UBASH3B: variants seen among roughly 807,000 people sequenced by gnomAD.
The protein encoded by UBASH3B is ubiquitin-associated and SH3 domain-containing protein B.
A neutral mutation model predicts 83.4 loss-of-function variants in UBASH3B; 37 were observed. The ratio of observed to expected loss-of-function variants is 0.44; its 90% CI spans 0.34 to 0.58. The LOEUF (loss-of-function observed/expected upper bound fraction) is 0.58. UBASH3B is among the 20% of genes least tolerant of loss of function. The pLI, the probability that UBASH3B is intolerant of heterozygous loss-of-function variation, is 0.01. For missense variants in UBASH3B, 657 were observed against 827.2 expected (o/e 0.79, Z 2.52); for synonymous variants, 304 against 318.3 (o/e 0.96, Z 0.48).
At chr11:122,778,064 A>G (rs1860773633) in intron 3 of UBASH3B, among the ~76,000 whole-genome samples, 1 of 152,062 alleles carries the variant, frequency 6.6e-6, no homozygotes, top group South Asian at 2.1e-4. Flanking sequence ...TCACTATCAC[A>G]CATGTAAATA....
chr11:122,794,387 A>G lies in UBASH3B; in HGVS notation c.981-315A>G, dbSNP rs1330109814. Among the ~76,000 whole-genome samples the G allele has an allele frequency of 2.0e-5, 3 of 152,032 alleles. No individual in the cohort carries two copies. In the East Asian group the frequency reaches 5.8e-4, roughly 29 times the overall value. ...CGCCCAGCTGATTTTTTGTATTTTT[A>G]GTAGAGATGGGATTTCGCCACATTG... is the stretch of plus-strand genomic sequence containing the variant. On this transcript the variant is annotated intron_variant, in intron 6 of 13. Coordinates refer to ENST00000284273, the MANE Select transcript of UBASH3B (RefSeq NM_032873.5).
intron 1 of UBASH3B, among the ~76,000 whole-genome samples, chr11:122,736,992 G>A (rs4936735): frequency 0.31 from 47,765 of 152,102 alleles, 8,995 homozygotes; most frequent in Middle Eastern, 0.49. Context: ...AGATATTACT[G>A]TAGGGAAGGG....
chr11:122,801,591 T>C (rs1346379288), intron 11 of UBASH3B, among the ~76,000 whole-genome samples: 1 of 152,220 alleles, frequency 6.6e-6, no homozygotes, highest in Non-Finnish European at 1.5e-5. Flanking sequence ...CCTGTTTCAG[T>C]GTAATAAAAC....
At position 122,777,187 on chromosome 11, in the gene UBASH3B, A is replaced by AT. The variant is rs1383030391; in HGVS notation, c.380dup (p.Thr128HisfsTer30). The AT allele has an allele frequency of 6.2e-7, 1 of 1,613,496 alleles. No homozygotes were observed. The highest frequency in any genetic ancestry group is 8.5e-7 in the Non-Finnish European group (1 of 1,179,782). ...CAAGGCACACAACATCTTCCCCCAC[A>AT]TCACACTCTGCCAGTTCTTTATGGT... On this transcript the variant is annotated frameshift_variant, in exon 3 of 14. Transcript: ENST00000284273. LOFTEE classifies it high-confidence loss of function.
intron 13 of UBASH3B, among the ~76,000 whole-genome samples, chr11:122,808,549 G>A (rs913914738): frequency 6.6e-6 from 1 of 152,178 alleles, no homozygotes; most frequent in Admixed American, 6.5e-5. Flanking sequence ...TCAAACACAG[G>A]TCCTTGAAGG....
chr11:122,783,686 T>TCAC (rs1860897457), intron 5 of UBASH3B, among the ~76,000 whole-genome samples: 1 of 126,664 alleles, frequency 7.9e-6, no homozygotes, highest in Non-Finnish European at 1.9e-5. Flanking sequence ...ATCTGTATCA[T>TCAC]GCAAAGTACC....
chr11:122,796,088 G>A (rs1861151001), intron 7 of UBASH3B, 68 bp from the exon 8 acceptor site: 1 of 1,589,408 alleles, frequency 6.3e-7, no homozygotes, highest in Non-Finnish European at 8.6e-7. Flanking sequence ...AGCTCACCTG[G>A]CACCTGGCTC....
chr11:122,664,176 C>A (rs1863483898), intron 1 of UBASH3B, among the ~76,000 whole-genome samples: 1 of 152,030 alleles, frequency 6.6e-6, no homozygotes, highest in Admixed American at 6.6e-5. Flanking sequence ...TCTAGAGTGC[C>A]CAGAGGGGTG....
intron 1 of UBASH3B, among the ~76,000 whole-genome samples, chr11:122,721,870 T>C (rs543908804): frequency 1.3e-5 from 2 of 152,352 alleles, no homozygotes; most frequent in East Asian, 3.9e-4. Context: ...TACTCTGTTC[T>C]TTGGGGATGC....
chr11:122,795,110 C>T (rs1225095812), intron 7 of UBASH3B, among the ~76,000 whole-genome samples: 1 of 151,950 alleles, frequency 6.6e-6, no homozygotes, highest in Non-Finnish European at 1.5e-5. Flanking sequence ...AGGAATAATG[C>T]CCATAGTTGT....
Position 122,806,426 on chromosome 11 carries a change from A to T in UBASH3B, c.1612A>T (p.Ser538Cys), listed in dbSNP as rs1214730473. The T allele has an allele frequency of 1.2e-6, 2 of 1,603,140 alleles. No individual in the cohort carries two copies. Among genetic ancestry groups the T allele is most frequent in the Non-Finnish European group, 1.7e-6 (2 of 1,176,912 alleles). The change falls in exon 12 of 14, where the codon AGC becomes TGC. Residue 538 changes from serine to cysteine, a missense_variant. Transcript: ENST00000284273. The surrounding 1 kb of genome is among the most constrained non-coding windows in gnomAD (Gnocchi z 4.0). ...DTTYRPHIPI[S>C]KLVVSESYDT... ...CTATTACAGACCTCACATTCCAATC[A>T]GCAAATTAGTTGTTTCAGAATCCTA...
chr11:122,683,896 G>A (rs146069388), intron 1 of UBASH3B, among the ~76,000 whole-genome samples: 666 of 152,096 alleles, frequency 4.4e-3, no homozygotes, highest in Middle Eastern at 0.014. Flanking sequence ...TGATGACGAG[G>A]TCTAATGTCT....
intron 1 of UBASH3B, among the ~76,000 whole-genome samples, chr11:122,716,914 A>G (rs1341041277): frequency 1.3e-5 from 2 of 152,032 alleles, no homozygotes; most frequent in Non-Finnish European, 2.9e-5. Flanking sequence ...CAATTTGGAG[A>G]TGTTAGATGG....
chr11:122,796,014 C>A (rs112674243), intron 7 of UBASH3B, 142 bp from the exon 8 acceptor site: 7 of 979,358 alleles, frequency 7.1e-6, no homozygotes, highest in African/African-American at 6.5e-5. Flanking sequence ...CTTATGAGGT[C>A]TGTAGGACGA....
intron 1 of UBASH3B, among the ~76,000 whole-genome samples, chr11:122,710,242 G>C (rs1864174638): frequency 6.6e-6 from 1 of 151,694 alleles, no homozygotes; most frequent in Admixed American, 6.6e-5. Context: ...TCTCAGAGCA[G>C]AAGAAAGATA....
chr11:122,691,026 CT>C (rs1205234678), intron 1 of UBASH3B, among the ~76,000 whole-genome samples: 2 of 152,210 alleles, frequency 1.3e-5, no homozygotes, highest in Non-Finnish European at 2.9e-5. Flanking sequence ...AACCCCGGGT[CT>C]TCCGGACTCC....
At chr11:122,708,648 A>G (rs1475929654) in intron 1 of UBASH3B, among the ~76,000 whole-genome samples, 2 of 152,046 alleles carry the variant, frequency 1.3e-5, no homozygotes, top group Non-Finnish European at 2.9e-5. Flanking sequence ...AAAAAGTTTT[A>G]TTGCCAAATA....
chr11:122,744,873 C>CTGTGTGTGTG (rs544992534), intron 1 of UBASH3B, among the ~76,000 whole-genome samples: 21,763 of 139,236 alleles, frequency 0.16, 1,707 homozygotes, highest in Middle Eastern at 0.19. Flanking sequence ...ATGTGTGACT[C>CTGTGTGTGTG]TGTGTGTGTG....
At chr11:122,780,170 A>G (rs1860825430) in intron 4 of UBASH3B, among the ~76,000 whole-genome samples, 1 of 152,162 alleles carries the variant, frequency 6.6e-6, no homozygotes, top group South Asian at 2.1e-4. Flanking sequence ...TTATATCACA[A>G]TAAAATCCAC....
Sources: gnomAD v4.1 joint callset for allele counts (sites outside exome capture counted in the v4.1 genomes callset) on GRCh38, gnomAD v4.1.1 for gene constraint, Gnocchi (gnomAD v3.1) non-coding constraint, MANE v1.5 for transcripts, NCBI Gene and HGNC (gene_info 2026-07-23, HGNC 2026-07-21) for gene names.